The following GSE1 variants were observed in gnomAD, a reference collection of about 807,000 sequenced individuals.
The protein encoded by GSE1 is Gse1 coiled-coil protein.
Under a neutral mutation model 112.6 loss-of-function variants are expected in GSE1, and 32 were observed. The ratio of observed to expected loss-of-function variants is 0.28; its 90% CI spans 0.21 to 0.38. GSE1 has a LOEUF of 0.38. GSE1 is among the 10% of genes least tolerant of loss of function. The probability of loss-of-function intolerance (pLI) is 1.00; values close to 1 mark genes in which losing one functional copy is unlikely to be tolerated. For missense variants in GSE1, 2,348 were observed against 1,699.2 expected, an observed-to-expected ratio of 1.38 and a Z score of -6.71; for synonymous variants, 1,115 against 735.6, an observed-to-expected ratio of 1.52 and a Z score of -8.35.
intron 1 of GSE1, among the ~76,000 whole-genome samples, chr16:85,180,199 G>C (rs189020973): frequency 6.6e-6 from 1 of 151,770 alleles, no homozygotes; most frequent in African/African-American, 2.4e-5. Context: ...GGCTTCCCGC[G>C]AGAGGTGCAG....
chr16:85,659,164 T>G (rs2151947286), intron 8 of GSE1, among the ~76,000 whole-genome samples: 1 of 152,318 alleles, frequency 6.6e-6, no homozygotes, highest in East Asian at 1.9e-4. Flanking sequence ...CAGCGTCGGA[T>G]TTGTCCCTTG....
At chr16:85,650,078 C>A (rs973974529) in intron 3 of GSE1, among the ~76,000 whole-genome samples, 2 of 152,188 alleles carry the variant, frequency 1.3e-5, no homozygotes, top group South Asian at 4.1e-4. Context: ...TGCTGGACCT[C>A]CTCTGCCCCT....
intron 2 of GSE1, among the ~76,000 whole-genome samples, chr16:85,430,911 T>A (rs1000054061): frequency 6.6e-6 from 1 of 152,176 alleles, no homozygotes; most frequent in Non-Finnish European, 1.5e-5. Flanking sequence ...GGAGCCTGCG[T>A]TCCCACCCAG....
intron 2 of GSE1, among the ~76,000 whole-genome samples, chr16:85,489,062 C>T (rs2050929542): frequency 6.6e-6 from 1 of 152,172 alleles, no homozygotes; most frequent in Non-Finnish European, 1.5e-5. Context: ...ACCTTTCTGT[C>T]ATGCTGGGAA....
intron 1 of GSE1, among the ~76,000 whole-genome samples, chr16:85,180,444 A>C (rs1407908254): frequency 6.6e-6 from 1 of 151,910 alleles, no homozygotes; most frequent in Non-Finnish European, 1.5e-5. Flanking sequence ...CCGGCCCTCC[A>C]CTCCCAAGCC....
In GSE1 at chr16:85,652,914, C is replaced by T. The variant is rs571475662; in HGVS notation, c.427-1364C>T. Among the ~76,000 whole-genome samples the T allele has an allele frequency of 1.7e-4, 26 of 151,952 alleles. No individual in the cohort carries two copies. The East Asian group carries it at 2.8e-3, about 16-fold the overall frequency. ...GCTGGTGCTCTTCAGGAGCACTGCC[C>T]GCTGATCAGCAGTCGTTACCTGACA... On this transcript the variant is annotated intron_variant, in intron 3 of 15. Coordinates refer to ENST00000253458, the MANE Select transcript of GSE1 (RefSeq NM_014615.5).
At chr16:85,333,687 G>A (rs1161145039) in intron 1 of GSE1, among the ~76,000 whole-genome samples, 4 of 152,200 alleles carry the variant, frequency 2.6e-5, no homozygotes, top group Non-Finnish European at 5.9e-5. Flanking sequence ...GAGCTGGGCC[G>A]GCAGGCATGG....
In GSE1 at chr16:85,673,478, CA is replaced by C. The variant is rs3060243; in HGVS notation, c.*955del. On this transcript the variant is annotated 3_prime_UTR_variant, in exon 16 of 16. Transcript: ENST00000253458. The stretch of plus-strand genomic sequence containing the variant: ...GTTTGTTGTTTTGGTTTTTTTTGGG[CA>C]AAAAAAAAAAAAAAACCTTGCTTTT... The C allele has an allele frequency of 0.31, 33,454 of 107,814 alleles. 3,604 individuals carry two copies. Among genetic ancestry groups the C allele is most frequent in the Middle Eastern group, 0.45 (85 of 188 alleles). 6.7% of individuals were successfully genotyped at this position (107,814 alleles called of 1,614,324 possible). A position where few individuals can be genotyped will look rare whatever the true frequency, so the allele number is the denominator to read the frequency against.
chr16:85,308,961 C>T (rs2045754953), intron 1 of GSE1, among the ~76,000 whole-genome samples: 1 of 150,280 alleles, frequency 6.7e-6, no homozygotes, highest in Non-Finnish European at 1.5e-5. Flanking sequence ...GGGAGGTCTG[C>T]ATTCAGGTAG....
At chr16:85,331,099 T>A (rs369695757) in intron 1 of GSE1, among the ~76,000 whole-genome samples, 1 of 152,004 alleles carries the variant, frequency 6.6e-6, no homozygotes, top group East Asian at 1.9e-4. Context: ...AGACGGGAAA[T>A]GCTTCCTGTC....
rs148206064 is a variant in GSE1 at position 85,499,219 on chromosome 16, C to A, written c.2465-134695C>A. 5.0e-3 allele frequency among the ~76,000 whole-genome samples: 741 copies of A among 147,634 alleles called. 8 individuals are homozygous for A. Among genetic ancestry groups the A allele is most frequent in the African/African-American group, 0.017 (681 of 40,578 alleles). The stretch of plus-strand genomic sequence containing the variant: ...GGCACAGTGAAGCTCATAGGATCTG[C>A]GGCATGAAGGACAACCCAGATGGGC... On this transcript the variant is annotated intron_variant, in intron 2 of 2. Transcript: ENST00000637419.
chr16:85,595,403 C>G (rs1376282709), intron 1 of GSE1: 1 of 152,224 alleles, frequency 6.6e-6, no homozygotes, highest in African/African-American at 2.4e-5. Context: ...CAAGGCCCCT[C>G]TGCGGAGACT....
chr16:85,482,855 G>C (rs752667968), intron 2 of GSE1, among the ~76,000 whole-genome samples: 6 of 152,070 alleles, frequency 3.9e-5, no homozygotes, highest in Non-Finnish European at 7.4e-5. Flanking sequence ...GAGGGTGCCT[G>C]TAATCTCAGC....
At chr16:85,250,267 G>A (rs1432966377) in intron 1 of GSE1, among the ~76,000 whole-genome samples, 3 of 152,242 alleles carry the variant, frequency 2.0e-5, no homozygotes, top group African/African-American at 7.2e-5. Flanking sequence ...GCCTGGCAAA[G>A]GGTCCTGGGT....
chr16:85,621,802 TGAA>T (rs1180092725), intron 1 of GSE1, among the ~76,000 whole-genome samples: 2 of 152,176 alleles, frequency 1.3e-5, no homozygotes, highest in Non-Finnish European at 2.9e-5. Flanking sequence ...AGATTACCCT[TGAA>T]GAAGCAGGGG....
At chr16:85,589,370 G>A (rs746688516) in intron 1 of GSE1, among the ~76,000 whole-genome samples, 4 of 152,084 alleles carry the variant, frequency 2.6e-5, no homozygotes, top group Non-Finnish European at 5.9e-5. Context: ...CTGGACGCTG[G>A]GCAGAGCCTG....
intron 2 of GSE1, among the ~76,000 whole-genome samples, chr16:85,435,019 G>T (rs2049212030): frequency 6.6e-6 from 1 of 152,230 alleles, no homozygotes; most frequent in Non-Finnish European, 1.5e-5. Context: ...GAGGGCCTAC[G>T]CTTGGTTTTA....
Position 85,419,758 on chromosome 16 carries a change from C to T in GSE1, c.2464+62115C>T, listed in dbSNP as rs1056944404. ...AAACCCCTCTGATGCCTGCCTCCCC[C>T]GCCCCGCCCCCACCCCTCCAAGACT... On this transcript the variant is annotated intron_variant, in intron 2 of 2. Transcript: ENST00000637419. This position sits in a 1 kb window ranked among gnomAD's most constrained non-coding sequence, Gnocchi z 6.5. Among the ~76,000 whole-genome samples, 22 of 152,092 alleles carry T rather than the reference C, an allele frequency of 1.4e-4. No homozygotes were observed. Among genetic ancestry groups the T allele is most frequent in the East Asian group, 3.8e-4 (2 of 5,196 alleles).
intron 2 of GSE1, among the ~76,000 whole-genome samples, chr16:85,400,186 G>T (rs1346865762): frequency 6.6e-6 from 1 of 152,172 alleles, no homozygotes; most frequent in Non-Finnish European, 1.5e-5. Context: ...CGCCCCACAG[G>T]CCCTCCCCTC....
Sources: allele counts gnomAD v4.1 joint callset (sites outside exome capture counted in the v4.1 genomes callset), GRCh38; gene constraint gnomAD v4.1.1; non-coding constraint Gnocchi (gnomAD v3.1); transcripts MANE v1.5; gene names NCBI Gene and HGNC (gene_info 2026-07-23, HGNC 2026-07-21).